HPS4: variants seen among roughly 807,000 people sequenced by gnomAD.
The protein encoded by HPS4 is HPS4 biogenesis of lysosomal organelles complex 3 subunit 2.
HPS4 carries 44 observed loss-of-function variants against 70.3 expected under a neutral mutation model. That is an observed-to-expected ratio of 0.63 (90% CI 0.49 to 0.80). The LOEUF (loss-of-function observed/expected upper bound fraction) is 0.80. HPS4 is among the 30% of genes least tolerant of loss of function. The pLI, the probability that HPS4 is intolerant of heterozygous loss-of-function variation, is 0.00. For missense variants in HPS4, 873 were observed against 884.4 expected, an observed-to-expected ratio of 0.99 and a Z score of 0.16; for synonymous variants, 377 against 355.9, an observed-to-expected ratio of 1.06 and a Z score of -0.67.
intron 12 of HPS4, 117 bp downstream of exon 12, chr22:26,458,328 C>A (rs1470735764): frequency 7.6e-7 from 1 of 1,310,184 alleles, no homozygotes; most frequent in Non-Finnish European, 1.1e-6. Context: ...GCCCTGAACG[C>A]AGGTCAGACA....
At chr22:26,448,030 T>C (rs1255664843), downstream of HPS4, among the ~76,000 whole-genome samples, 1 of 152,208 alleles carries the variant, frequency 6.6e-6, no homozygotes, top group Admixed American at 6.5e-5. Flanking sequence ...GCAGCTGACA[T>C]GAACAAGGTC....
At chr22:26,479,198 C>G (rs1488738574) in intron 3 of HPS4, 67 bp downstream of exon 3, 2 of 1,514,932 alleles carry the variant, frequency 1.3e-6, no homozygotes, top group Non-Finnish European at 1.8e-6. Context: ...AAACCCCATA[C>G]TTTTGAAAAG....
At chr22:26,447,810 CTT>C (rs1157701216), downstream of HPS4, among the ~76,000 whole-genome samples, 1 of 152,158 alleles carries the variant, frequency 6.6e-6, no homozygotes, top group African/African-American at 2.4e-5. Context: ...CTTTCCGCCT[CTT>C]TCCCAGGCAC....
At chr22:26,478,368 C>G (rs979583470) in intron 3 of HPS4, among the ~76,000 whole-genome samples, 2 of 151,546 alleles carry the variant, frequency 1.3e-5, no homozygotes, top group African/African-American at 4.9e-5. Context: ...GTCAGGAGAT[C>G]GAGACCATCC....
intron 8 of HPS4, chr22:26,467,102 CA>C (rs1569079749): frequency 6.6e-6 from 1 of 152,112 alleles, no homozygotes; most frequent in Non-Finnish European, 1.5e-5. Flanking sequence ...TATAAAATTT[CA>C]TATTTCTGCT....
At position 26,457,879 on chromosome 22, in the gene HPS4, C is replaced by T. The variant is rs769678704; in HGVS notation, c.1935G>A (p.Ala645=). The part of the protein sequence containing the change: ...LMHSEFAQLP[A]LYEMTVRNAS... ...CTCACCTGACAGTCATTTCATAAAG[C>T]GCGGGCAGCTGGGCAAATTCGCTAT... The change falls in exon 13 of 14, where the codon GCG becomes GCA. Residue 645 remains alanine (A), a synonymous_variant. Transcript: ENST00000398145. 2.0e-5 allele frequency: 32 copies of T among 1,614,082 alleles called. No individual in the cohort carries two copies. Among genetic ancestry groups the T allele is most frequent in the East Asian group, 4.5e-5 (2 of 44,906 alleles).
intron 4 of HPS4, chr22:26,476,567 C>A: frequency 5.3e-6 from 1 of 188,290 alleles, no homozygotes. Flanking sequence ...AGGCTGATAT[C>A]GAACTCCTGG....
intron 8 of HPS4, 148 bp downstream of exon 8, chr22:26,468,403 G>T: frequency 1.4e-6 from 1 of 724,230 alleles, no homozygotes; most frequent in Non-Finnish European, 2.5e-6. Context: ...TCACTACTGA[G>T]GAGAATGACA....
Position 26,452,458 on chromosome 22 carries a change from C to A in HPS4, c.*775G>T. ...TCTTGTAAACTCCTATTTAGGGACA[C>A]TCGCTCGAGAGGAACCAGCTGCACG... On this transcript the variant is annotated 3_prime_UTR_variant, in exon 14 of 14. Coordinates refer to ENST00000398145, the MANE Select transcript of HPS4 (RefSeq NM_022081.6). 1 of 437,738 alleles carries A rather than the reference C, an allele frequency of 2.3e-6. No individual in the cohort carries two copies. Among genetic ancestry groups the A allele is most frequent in the Non-Finnish European group, 4.6e-6 (1 of 218,760 alleles). The allele number at this position is 437,738 out of a possible 1,614,324, so 27.1% of individuals were successfully genotyped here. A position where few individuals can be genotyped will look rare whatever the true frequency, so the allele number is the denominator to read the frequency against.
At chr22:26,447,609 C>T (rs934476226), downstream of HPS4, among the ~76,000 whole-genome samples, 3 of 152,060 alleles carry the variant, frequency 2.0e-5, no homozygotes, top group Non-Finnish European at 4.4e-5. Flanking sequence ...TTTTGAGGAC[C>T]GTCATGCCTG....
chr22:26,476,894 G>T, intron 4 of HPS4, 99 bp downstream of exon 4: 1 of 1,274,858 alleles, frequency 7.8e-7, no homozygotes, highest in Non-Finnish European at 1.1e-6. Flanking sequence ...GGATGAGGTT[G>T]GTGGGGGCAG....
rs1423230001 is a variant in HPS4, at chr22:26,451,162, G to A, written c.*2071C>T. Among the ~76,000 whole-genome samples the A allele has an allele frequency of 6.6e-6, 1 of 152,200 alleles. No homozygotes were observed. The highest frequency in any genetic ancestry group is 1.5e-5 in the Non-Finnish European group (1 of 68,042). On this transcript the variant is annotated 3_prime_UTR_variant, in exon 14 of 14. Coordinates refer to ENST00000398145, the MANE Select transcript of HPS4 (RefSeq NM_022081.6). ...CCCTTGGGAAACATGGCCATAAGAG[G>A]TTGTGGTGCCCATTCCAGCAAGAAC...
At chr22:26,468,813 T>C (rs1485601300) in intron 7 of HPS4, among the ~76,000 whole-genome samples, 190 bp from the exon 8 acceptor site, 3 of 152,122 alleles carry the variant, frequency 2.0e-5, no homozygotes, top group African/African-American at 7.2e-5. Context: ...TCCAAACCCT[T>C]TGACTCAGCT....
At chr22:26,476,843 A>G in intron 4 of HPS4, 150 bp downstream of exon 4, 1 of 783,372 alleles carries the variant, frequency 1.3e-6, no homozygotes, top group Non-Finnish European at 2.2e-6. Context: ...ACCTGCAGAG[A>G]GTACCACAGG....
At chr22:26,474,129 T>A (rs1193271216) in intron 4 of HPS4, among the ~76,000 whole-genome samples, 1 of 152,226 alleles carries the variant, frequency 6.6e-6, no homozygotes, top group African/African-American at 2.4e-5. Context: ...TCCAAAGCTA[T>A]CTTGAGAAAG....
chr22:26,443,229 G>T (rs776417011), downstream of HPS4: 1 of 1,600,438 alleles, frequency 6.2e-7, no homozygotes, highest in Non-Finnish European at 8.6e-7. Flanking sequence ...TGCTGGAGTC[G>T]GCGAGAAGGG....
chr22:26,480,512 G>A (rs562063683), intron 2 of HPS4, among the ~76,000 whole-genome samples: 43 of 152,202 alleles, frequency 2.8e-4, no homozygotes, highest in African/African-American at 8.9e-4. Flanking sequence ...ACATTTATGA[G>A]GCTATAGCAT....
intron 13 of HPS4, chr22:26,453,657 G>T: frequency 1.8e-6 from 1 of 542,248 alleles, no homozygotes; most frequent in Non-Finnish European, 3.3e-6. Context: ...AGCAGCCACA[G>T]ATCCTGGAGT....
downstream of HPS4, among the ~76,000 whole-genome samples, chr22:26,450,612 A>G (rs143439714): frequency 1.6e-4 from 25 of 152,224 alleles, 1 homozygote; most frequent in East Asian, 4.8e-3. Flanking sequence ...TCCCACCCAA[A>G]TCTCATTTTG....
Sources: gnomAD v4.1 joint callset for allele counts (sites outside exome capture counted in the v4.1 genomes callset) on GRCh38, gnomAD v4.1.1 for gene constraint, MANE v1.5 for transcripts, NCBI Gene and HGNC (gene_info 2026-07-23, HGNC 2026-07-21) for gene names.